The following PSTK variants were observed in gnomAD, a reference collection of about 807,000 sequenced individuals.
PSTK encodes the protein phosphoseryl-tRNA kinase, also known as L-seryl-tRNA(Sec) kinase.
Under a neutral mutation model 38.6 loss-of-function variants are expected in PSTK, and 26 were observed. That is an observed-to-expected ratio of 0.67 (90% CI 0.49 to 0.94). PSTK has a LOEUF of 0.94. Among genes scored for constraint, PSTK ranks in the 40% least tolerant of loss-of-function variants. The pLI is 0.00. For synonymous variants in PSTK, 181 were observed against 161.7 expected, an observed-to-expected ratio of 1.12 and a Z score of -0.91; for missense variants, 445 against 436.3, an observed-to-expected ratio of 1.02 and a Z score of -0.18.
In PSTK at chr10:122,980,575, G is replaced by T. The variant is rs1186817256; in HGVS notation, c.96G>T (p.Ser32=). The T allele has an allele frequency of 1.2e-6, 2 of 1,611,998 alleles. No individual in the cohort carries two copies. The highest frequency in any genetic ancestry group is 1.1e-5 in the South Asian group (1 of 90,928). Residue 32 remains serine (S), a synonymous_variant, in exon 1 of 6, where the codon TCG becomes TCT. Transcript: ENST00000406217. The surrounding 1 kb of genome is among the most constrained non-coding windows in gnomAD (Gnocchi z 4.3). Reference sequence around the variant, plus strand: ...GTGGCCTCCCCGCGGCAGGAAAATCGACTTTCGCGCGCGCCCTCGCCCACC... The same window carrying T: ...GTGGCCTCCCCGCGGCAGGAAAATCTACTTTCGCGCGCGCCCTCGCCCACC... ...VLCGLPAAGK[S]TFARALAHRL...
chr10:122,983,387 G>A lies in PSTK; in HGVS notation c.624G>A (p.Lys208=), dbSNP rs201538604. 107 of 1,614,088 alleles carry A rather than the reference G, an allele frequency of 6.6e-5. No individual in the cohort carries two copies. Among genetic ancestry groups the A allele is most frequent in the Non-Finnish European group, 8.7e-5 (103 of 1,180,050 alleles). ...AGACCATCCACCTGATGGGAAGAAAGCTAGAAAAGCCCAACCCTGAGAAAA... is the reference window on the plus strand; with the variant it reads ...AGACCATCCACCTGATGGGAAGAAAACTAGAAAAGCCCAACCCTGAGAAAA... ...PPETIHLMGR[K]LEKPNPEKNA... Residue 208 remains lysine, a synonymous_variant, in exon 3 of 6, where the codon AAG becomes AAA. Transcript: ENST00000406217.
rs1470447061 is a variant in PSTK at position 122,983,268 on chromosome 10, T to G, written c.509-4T>G. 5.0e-6 allele frequency: 8 copies of G among 1,602,270 alleles called. No individual in the cohort carries two copies. Among genetic ancestry groups the G allele is most frequent in the Non-Finnish European group, 6.8e-6 (8 of 1,175,176 alleles). ...GTAATTCTATCATTTTAAACTGTTT[T>G]CAGATTCGTTGGGCTTTTGCCAGCT... On this transcript the variant is annotated splice_region_variant and splice_polypyrimidine_tract_variant and intron_variant, in intron 2 of 5. Coordinates refer to ENST00000406217, the MANE Select transcript of PSTK (RefSeq NM_001363531.2).
In PSTK at chr10:122,982,633, T is replaced by C. The variant is rs1249999573; in HGVS notation, c.217-100T>C. On this transcript the variant is annotated intron_variant, in intron 1 of 5. Coordinates refer to ENST00000406217, the MANE Select transcript of PSTK (RefSeq NM_001363531.2). ...TAGAGAACTACAGATGGTTCCGTAT[T>C]GTGAGCTGAAATTTTCATATGGGGC... 3.2e-5 allele frequency: 30 copies of C among 939,914 alleles called. No individual in the cohort carries two copies. The South Asian group carries it at 4.6e-4, about 14-fold the overall frequency. The allele number at this position is 939,914 out of a possible 1,614,324, so 58.2% of individuals were successfully genotyped here.
intron 5 of PSTK, chr10:122,987,423 G>A (rs766281534): frequency 1.2e-6 from 2 of 1,614,188 alleles, no homozygotes. Context: ...TCTAGGCAAT[G>A]AACACATCAA....
Position 122,982,989 on chromosome 10 carries a change from G to A in PSTK, c.473G>A (p.Ser158Asn), listed in dbSNP as rs1313840508. Residue 158 changes from serine to asparagine, a missense_variant, in exon 2 of 6, where the codon AGT becomes AAT. Physicochemically the swap from Ser to Asn is conservative, Grantham distance 46. Coordinates refer to ENST00000406217, the MANE Select transcript of PSTK (RefSeq NM_001363531.2). Reference protein sequence around the residue: ...LVLDDNFYYQSMRYEVYQLAR... With the variant: ...LVLDDNFYYQNMRYEVYQLAR... The stretch of plus-strand genomic sequence containing the variant: ...TTGGATGACAATTTTTATTATCAGA[G>A]TATGAGATATGAAGTCTACCAGCTG... The A allele has an allele frequency of 1.2e-6, 2 of 1,613,928 alleles. No individual in the cohort carries two copies. The highest frequency in any genetic ancestry group is 2.2e-5 in the East Asian group (1 of 44,892).
intron 5 of PSTK, chr10:122,987,621 G>A: frequency 1.4e-6 from 2 of 1,381,216 alleles, no homozygotes; most frequent in South Asian, 2.9e-5. Context: ...GGTAACTAGA[G>A]TTTTACACAG....
At chr10:122,981,481 G>A (rs1369851477) in intron 1 of PSTK, among the ~76,000 whole-genome samples, 3 of 152,098 alleles carry the variant, frequency 2.0e-5, no homozygotes, top group African/African-American at 7.2e-5. Flanking sequence ...GATTACATTC[G>A]TGTTTCTCAT....
chr10:122,984,410 C>A (rs1849007889), intron 3 of PSTK: 1 of 152,226 alleles, frequency 6.6e-6, no homozygotes, highest in African/African-American at 2.4e-5. Flanking sequence ...GGATTACGAG[C>A]ATGAGCTATC....
At chr10:122,982,658 C>T in intron 1 of PSTK, 75 bp from the exon 2 acceptor site, 3 of 1,252,030 alleles carry the variant, frequency 2.4e-6, no homozygotes, top group South Asian at 1.3e-5. Flanking sequence ...TCATATGGGG[C>T]AGGGTGGCAG....
chr10:122,983,449 C>T lies in PSTK; in HGVS notation c.686C>T (p.Pro229Leu), dbSNP rs776913787. 2 of 1,613,480 alleles carry T rather than the reference C, an allele frequency of 1.2e-6. No homozygotes were observed. Among genetic ancestry groups the T allele is most frequent in the South Asian group, 2.2e-5 (2 of 91,040 alleles). ...WEHNSLTIPS[P>L]ACASEASLEV... is the part of the protein sequence containing the mutation. ...CACAACAGCCTCACAATTCCGAGTC[C>T]AGCATGTGCTTCGGAGGCCAGGTAT... Residue 229 changes from proline (P) to leucine (L), a missense_variant, in exon 3 of 6, where the codon CCA becomes CTA. Physicochemically the swap from Pro to Leu is moderately conservative, Grantham distance 98. Transcript: ENST00000406217.
chr10:122,989,257 T>C (rs1564732197), intron 5 of PSTK, among the ~76,000 whole-genome samples: 1 of 151,880 alleles, frequency 6.6e-6, no homozygotes. Flanking sequence ...GGTTTTTGTT[T>C]TGCTTTGTTT....
intron 5 of PSTK, 84 bp from the exon 6 acceptor site, chr10:122,990,090 A>T: frequency 1.1e-6 from 1 of 912,646 alleles, no homozygotes; most frequent in Non-Finnish European, 1.6e-6. Context: ...TGGTTTGTTT[A>T]ATCAAATTAA....
chr10:122,987,015 T>C, intron 5 of PSTK, 53 bp downstream of exon 5: 2 of 1,147,834 alleles, frequency 1.7e-6, no homozygotes, highest in Non-Finnish European at 2.6e-6. Flanking sequence ...TTTCTACTGC[T>C]ACTGTTATTC....
At chr10:122,984,418 A>C (rs925295991) in intron 3 of PSTK, 2 of 152,222 alleles carry the variant, frequency 1.3e-5, no homozygotes, top group African/African-American at 4.8e-5. Flanking sequence ...AGCATGAGCT[A>C]TCACCCCCGG....
intron 5 of PSTK, among the ~76,000 whole-genome samples, chr10:122,989,009 A>G (rs1226898344): frequency 6.6e-6 from 1 of 152,186 alleles, no homozygotes; most frequent in Non-Finnish European, 1.5e-5. Flanking sequence ...AGCCATAAAA[A>G]GGAATGAAAT....
intron 3 of PSTK, chr10:122,983,708 G>T: frequency 2.2e-6 from 1 of 459,912 alleles, no homozygotes; most frequent in East Asian, 3.6e-5. Flanking sequence ...TCCAGTAGTT[G>T]GAGCAGGGAA....
At chr10:122,987,273 T>C in intron 5 of PSTK, 1 of 1,553,168 alleles carries the variant, frequency 6.4e-7, no homozygotes, top group Non-Finnish European at 8.7e-7. Flanking sequence ...ATGCCCATGC[T>C]CTGAAGAAAA....
At chr10:122,987,520 A>G in intron 5 of PSTK, 1 of 1,611,750 alleles carries the variant, frequency 6.2e-7, no homozygotes, top group Non-Finnish European at 8.5e-7. Flanking sequence ...AAGGGGGGAA[A>G]GGTAGTCAGG....
In PSTK at chr10:122,990,287, C is replaced by G; in HGVS notation, c.991C>G (p.Gln331Glu). Reference sequence around the variant, plus strand: ...AAACAAAAAATATCTGTGCTTTCAGCAAACCATTGACATACCAGATGTCAT... The same window carrying G: ...AAACAAAAAATATCTGTGCTTTCAGGAAACCATTGACATACCAGATGTCAT... Reference protein sequence around the residue: ...QGNKKYLCFQQTIDIPDVISF... With the variant: ...QGNKKYLCFQETIDIPDVISF... Residue 331 changes from glutamine (Q) to glutamate (E), a missense_variant, in exon 6 of 6, where the codon CAA becomes GAA. Transcript: ENST00000406217. 1.3e-6 allele frequency: 2 copies of G among 1,537,424 alleles called. No individual in the cohort carries two copies. Among genetic ancestry groups the G allele is most frequent in the Non-Finnish European group, 1.8e-6 (2 of 1,141,910 alleles).
Sources: gnomAD v4.1 joint callset for allele counts (sites outside exome capture counted in the v4.1 genomes callset) on GRCh38, gnomAD v4.1.1 for gene constraint, Gnocchi (gnomAD v3.1) non-coding constraint, MANE v1.5 for transcripts, NCBI Gene and HGNC (gene_info 2026-07-23, HGNC 2026-07-21) for gene names.